Variants in NAA35 observed in about 807,000 individuals in gnomAD.
NAA35 encodes MAK10 homolog, amino-acid N-acetyltransferase subunit.
NAA35 carries 18 observed loss-of-function variants against 101.7 expected under a neutral mutation model. The ratio of observed to expected loss-of-function variants is 0.18; its 90% CI spans 0.12 to 0.26. NAA35 has a LOEUF of 0.26. NAA35 is among the 10% of genes least tolerant of loss of function. The pLI is 1.00. For missense variants in NAA35, 601 were observed against 886.8 expected, an observed-to-expected ratio of 0.68 and a Z score of 4.09; for synonymous variants, 267 against 273.1, an observed-to-expected ratio of 0.98 and a Z score of 0.22.
At chr9:86,013,684 AAACG>A in intron 16 of NAA35, 31 bp from the exon 17 acceptor site, 9 of 1,565,034 alleles carry the variant, frequency 5.8e-6, no homozygotes, top group Non-Finnish European at 7.8e-6. Context: ...TAAGAAAACA[AAACG>A]AACACAGTTT....
chr9:85,976,740 T>A lies in NAA35; in HGVS notation c.678+5T>A. 1 of 1,586,784 alleles carries A rather than the reference T, an allele frequency of 6.3e-7. No homozygotes were observed. Among genetic ancestry groups the A allele is most frequent in the Non-Finnish European group, 8.6e-7 (1 of 1,166,174 alleles). ...GATCCAGAAGTTGAACTAGAAGTAATTGAACTTATTTTCTGGTAGATAATA... is the reference window on the plus strand; with the variant it reads ...GATCCAGAAGTTGAACTAGAAGTAAATGAACTTATTTTCTGGTAGATAATA... On this transcript the variant is annotated splice_donor_5th_base_variant and intron_variant, in intron 9 of 22. Transcript: ENST00000361671.
At chr9:85,991,492 A>G (rs1225363460) in intron 11 of NAA35, among the ~76,000 whole-genome samples, 21 of 152,122 alleles carry the variant, frequency 1.4e-4, no homozygotes, top group Admixed American at 1.4e-3. Flanking sequence ...ACTGGATGGC[A>G]TGAGATGTCA....
chr9:85,963,429 C>G (rs1311597219), intron 6 of NAA35, among the ~76,000 whole-genome samples: 1 of 151,788 alleles, frequency 6.6e-6, no homozygotes, highest in Admixed American at 6.6e-5. Context: ...CACCACCATG[C>G]CTGGCTAATT....
intron 11 of NAA35, among the ~76,000 whole-genome samples, chr9:85,993,910 G>C (rs888566018): frequency 5.3e-5 from 8 of 151,964 alleles, no homozygotes; most frequent in Non-Finnish European, 2.9e-5. Flanking sequence ...CTGTACTCAA[G>C]CTGTCCTCCC....
intron 12 of NAA35, among the ~76,000 whole-genome samples, chr9:85,998,774 A>G (rs2118286267): frequency 6.6e-6 from 1 of 152,334 alleles, no homozygotes; most frequent in South Asian, 2.1e-4. Context: ...TAAGTACACT[A>G]ACATCTGTGG....
chr9:86,016,425 G>T, intron 17 of NAA35, 114 bp from the exon 18 acceptor site: 1 of 802,882 alleles, frequency 1.2e-6, no homozygotes, highest in Non-Finnish European at 1.9e-6. Context: ...TCTAATGAAT[G>T]ATCTGTTTTT....
chr9:85,984,357 A>G (rs1830561988), intron 11 of NAA35, among the ~76,000 whole-genome samples: 2 of 152,060 alleles, frequency 1.3e-5, no homozygotes, highest in Admixed American at 1.3e-4. Flanking sequence ...ACAAACAAAC[A>G]TGTAAGAAAA....
rs1832681704 is a variant in NAA35 at position 86,024,117 on chromosome 9, T to C, written c.*2157T>C. 6.6e-6 allele frequency among the ~76,000 whole-genome samples: 1 copy of C among 152,208 alleles called. No individual in the cohort carries two copies. Among genetic ancestry groups the C allele is most frequent in the South Asian group, 2.1e-4 (1 of 4,828 alleles). ...TAAGACAGTCTCCTGTCATAGAGCT[T>C]TTATCATCTTACGACAAATACAGAA... On this transcript the variant is annotated 3_prime_UTR_variant, in exon 23 of 23. Coordinates refer to ENST00000361671, the MANE Select transcript of NAA35 (RefSeq NM_024635.4).
At chr9:85,944,225 A>G (rs1055927481) in intron 2 of NAA35, among the ~76,000 whole-genome samples, 1 of 152,278 alleles carries the variant, frequency 6.6e-6, no homozygotes, top group African/African-American at 2.4e-5. Flanking sequence ...TTAGTTTTCT[A>G]CTCTGGAAAA....
chr9:86,001,145 C>G (rs935837448), intron 12 of NAA35, among the ~76,000 whole-genome samples: 3 of 152,124 alleles, frequency 2.0e-5, no homozygotes, highest in East Asian at 1.9e-4. Context: ...CATTATTTAC[C>G]CAAAAGGCAT....
At chr9:86,021,016 T>C in intron 22 of NAA35, 47 bp downstream of exon 22, 1 of 1,372,200 alleles carries the variant, frequency 7.3e-7, no homozygotes, top group Non-Finnish European at 1.0e-6. Context: ...TATTGTGAAG[T>C]TTCATAAGTT....
intron 6 of NAA35, among the ~76,000 whole-genome samples, chr9:85,968,770 C>T (rs1829871569): frequency 6.6e-6 from 1 of 151,992 alleles, no homozygotes; most frequent in Non-Finnish European, 1.5e-5. Context: ...TTACCTCTGC[C>T]CTTGCCCCAA....
intron 11 of NAA35, among the ~76,000 whole-genome samples, chr9:85,992,517 G>T (rs1463080505): frequency 6.6e-6 from 1 of 152,186 alleles, no homozygotes; most frequent in Non-Finnish European, 1.5e-5. Context: ...CCAGTAGTAA[G>T]ATCCTCATTT....
chr9:85,946,958 C>G (rs1407514074), intron 2 of NAA35, among the ~76,000 whole-genome samples: 1 of 152,086 alleles, frequency 6.6e-6, no homozygotes, highest in East Asian at 1.9e-4. Flanking sequence ...GTTGCTCTTC[C>G]TTTCTTTTCT....
intron 2 of NAA35, among the ~76,000 whole-genome samples, chr9:85,948,708 A>T (rs547951170): frequency 2.6e-5 from 4 of 152,278 alleles, no homozygotes; most frequent in African/African-American, 9.6e-5. Context: ...CTATTAAGAA[A>T]TCTGATGACA....
At chr9:85,977,682 G>C (rs1830271310) in intron 10 of NAA35, among the ~76,000 whole-genome samples, 1 of 152,074 alleles carries the variant, frequency 6.6e-6, no homozygotes, top group African/African-American at 2.4e-5. Context: ...ATTACTTGTA[G>C]GTTGTTATAT....
At chr9:86,017,641 G>A in intron 19 of NAA35, 76 bp downstream of exon 19, 1 of 1,158,554 alleles carries the variant, frequency 8.6e-7, no homozygotes, top group Non-Finnish European at 1.2e-6. Flanking sequence ...ACTGTTTTCT[G>A]TGATTCTTTC....
chr9:85,949,483 CG>C (rs762550470), intron 2 of NAA35, among the ~76,000 whole-genome samples: 57 of 151,612 alleles, frequency 3.8e-4, no homozygotes, highest in Non-Finnish European at 5.4e-4. Context: ...TTAGTAGAGA[CG>C]GGGTTTCACT....
At chr9:85,991,750 C>T (rs1243759218) in intron 11 of NAA35, among the ~76,000 whole-genome samples, 1 of 152,148 alleles carries the variant, frequency 6.6e-6, no homozygotes, top group Non-Finnish European at 1.5e-5. Flanking sequence ...CCTATTTCTA[C>T]TTCTCAGAAC....
Sources: allele counts gnomAD v4.1 joint callset (sites outside exome capture counted in the v4.1 genomes callset), GRCh38; gene constraint gnomAD v4.1.1; transcripts MANE v1.5; gene names NCBI Gene and HGNC (gene_info 2026-07-23, HGNC 2026-07-21).